UST: variants seen among roughly 807,000 people sequenced by gnomAD.
UST encodes chondroitin sulfate 2-O-sulfotransferase.
A neutral mutation model predicts 45.6 loss-of-function variants in UST; 21 were observed. That is an observed-to-expected ratio of 0.46 (90% CI 0.33 to 0.66). UST has a LOEUF of 0.66. Among genes scored for constraint, UST ranks in the 30% least tolerant of loss-of-function variants. The pLI, the probability that UST is intolerant of heterozygous loss-of-function variation, is 0.02. For synonymous variants in UST, 215 were observed against 200.6 expected (o/e 1.07, Z -0.61); for missense variants, 463 against 512.4 (o/e 0.90, Z 0.93).
Position 148,872,683 on chromosome 6 carries a change from G to C in UST, c.248-14303G>C, listed in dbSNP as rs187442075. On this transcript the variant is annotated intron_variant, in intron 1 of 7. Transcript: ENST00000367463. ...CTGGGTTTTAATGGGCTCAAATTAAGATGTCAGTAGGGCTGTGTTCCTTCT... is the reference window on the plus strand; with the variant it reads ...CTGGGTTTTAATGGGCTCAAATTAACATGTCAGTAGGGCTGTGTTCCTTCT... Among the ~76,000 whole-genome samples the C allele has an allele frequency of 8.5e-5, 13 of 152,298 alleles. No homozygotes were observed. In the East Asian group the frequency reaches 2.1e-3, roughly 25 times the overall value.
At chr6:148,967,942 G>A (rs1780835528) in intron 5 of UST, among the ~76,000 whole-genome samples, 1 of 152,214 alleles carries the variant, frequency 6.6e-6, no homozygotes, top group African/African-American at 2.4e-5. Flanking sequence ...TGGTTTGGAA[G>A]AAAATGGAAA....
chr6:148,817,179 C>G (rs1376401676), intron 1 of UST, among the ~76,000 whole-genome samples: 1 of 152,162 alleles, frequency 6.6e-6, no homozygotes. Context: ...TTTGGTTTGG[C>G]TAAATAAAGG....
chr6:148,882,936 T>C (rs1778850003), intron 1 of UST, among the ~76,000 whole-genome samples: 1 of 152,228 alleles, frequency 6.6e-6, no homozygotes. Flanking sequence ...TGATTGAATA[T>C]GTAGATGCGA....
At chr6:148,952,109 A>G (rs1582918453) in intron 3 of UST, among the ~76,000 whole-genome samples, 1 of 152,348 alleles carries the variant, frequency 6.6e-6, no homozygotes, top group East Asian at 1.9e-4. Context: ...TAGAGATAAA[A>G]GTGTTAATGG....
chr6:148,787,552 C>G (rs1445927256), intron 1 of UST, among the ~76,000 whole-genome samples: 1 of 152,152 alleles, frequency 6.6e-6, no homozygotes, highest in East Asian at 1.9e-4. Flanking sequence ...GTCTATGTGT[C>G]TGTTCTTGCA....
chr6:148,911,966 G>T (rs918888619), intron 2 of UST, among the ~76,000 whole-genome samples: 1 of 152,154 alleles, frequency 6.6e-6, no homozygotes, highest in Non-Finnish European at 1.5e-5. Flanking sequence ...TGAGACTAAG[G>T]GGGGCAGATC....
At chr6:148,952,365 A>G (rs1377754873) in intron 3 of UST, among the ~76,000 whole-genome samples, 1 of 152,222 alleles carries the variant, frequency 6.6e-6, no homozygotes, top group Non-Finnish European at 1.5e-5. Context: ...AGGTTTGAGG[A>G]CAGACAGACC....
At chr6:148,784,737 C>A (rs1479752714) in intron 1 of UST, among the ~76,000 whole-genome samples, 2 of 152,180 alleles carry the variant, frequency 1.3e-5, no homozygotes, top group African/African-American at 4.8e-5. Context: ...TGATGAATAC[C>A]TGGTGAATGG....
chr6:148,965,868 G>T (rs1780781866), intron 5 of UST, among the ~76,000 whole-genome samples: 1 of 139,440 alleles, frequency 7.2e-6, no homozygotes. Flanking sequence ...TTTAAAAGTG[G>T]CTTTTCCCTT....
At chr6:148,977,869 G>A (rs1157134152) in intron 5 of UST, among the ~76,000 whole-genome samples, 6 of 152,024 alleles carry the variant, frequency 3.9e-5, no homozygotes, top group Non-Finnish European at 7.4e-5. Context: ...TTTAGATTAA[G>A]GTAGGGAGGA....
At chr6:148,842,949 A>G (rs957284267) in intron 1 of UST, among the ~76,000 whole-genome samples, 2 of 152,238 alleles carry the variant, frequency 1.3e-5, no homozygotes, top group Admixed American at 6.5e-5. Context: ...TAAATAAAAT[A>G]AAGAACACGC....
At chr6:148,946,588 G>A (rs946932143) in intron 3 of UST, among the ~76,000 whole-genome samples, 15 of 147,710 alleles carry the variant, frequency 1.0e-4, no homozygotes, top group African/African-American at 3.8e-4. Context: ...GAGGCGGGCG[G>A]ATCACGAGGT....
chr6:149,038,761 C>G (rs1364670969), intron 7 of UST, among the ~76,000 whole-genome samples: 3 of 152,206 alleles, frequency 2.0e-5, no homozygotes, highest in Non-Finnish European at 2.9e-5. Flanking sequence ...AAAGAGCCTT[C>G]AAAGATGAAC....
At chr6:148,906,475 G>A (rs1779363100) in intron 2 of UST, among the ~76,000 whole-genome samples, 1 of 152,180 alleles carries the variant, frequency 6.6e-6, no homozygotes, top group East Asian at 1.9e-4. Flanking sequence ...AATGGACAAG[G>A]TATGAGGGTT....
intron 5 of UST, among the ~76,000 whole-genome samples, chr6:148,967,321 C>CG (rs747509413): frequency 5.0e-4 from 75 of 150,162 alleles, no homozygotes; most frequent in Non-Finnish European, 8.9e-4. Flanking sequence ...AGCAGAAACT[C>CG]GGGGGGGCTC....
chr6:148,785,197 T>A (rs1776713487), intron 1 of UST, among the ~76,000 whole-genome samples: 1 of 147,002 alleles, frequency 6.8e-6, no homozygotes, highest in Non-Finnish European at 1.5e-5. Flanking sequence ...CAAGACTCCA[T>A]CTTAAAAAAA....
chr6:148,841,315 T>A (rs1777883389), intron 1 of UST, among the ~76,000 whole-genome samples: 1 of 152,108 alleles, frequency 6.6e-6, no homozygotes, highest in South Asian at 2.1e-4. Context: ...ATAATTTCCT[T>A]CTCTTATGAT....
intron 1 of UST, among the ~76,000 whole-genome samples, chr6:148,882,460 C>G (rs1324035939): frequency 1.5e-5 from 2 of 129,372 alleles, no homozygotes; most frequent in South Asian, 2.6e-4. Flanking sequence ...CACTCCAGCC[C>G]GGGCAACAAG....
intron 1 of UST, among the ~76,000 whole-genome samples, chr6:148,832,290 G>A (rs1319181601): frequency 6.6e-6 from 1 of 152,164 alleles, no homozygotes; most frequent in East Asian, 1.9e-4. Context: ...CACCGTAAAT[G>A]TGTTCTTCCT....
Sources: allele counts gnomAD v4.1 joint callset (sites outside exome capture counted in the v4.1 genomes callset), GRCh38; gene constraint gnomAD v4.1.1; transcripts MANE v1.5; gene names NCBI Gene and HGNC (gene_info 2026-07-23, HGNC 2026-07-21).